Variants in ASB5 observed in about 807,000 individuals in gnomAD.
ASB5 encodes the protein ankyrin repeat and SOCS box protein 5.
In ASB5, 45 loss-of-function variants were observed where a neutral mutation model predicts 42.1. The observed-to-expected ratio is 1.07, with a 90% CI of 0.84 to 1.37. The LOEUF (loss-of-function observed/expected upper bound fraction) is 1.37, where lower values mean the gene tolerates loss of function less well. ASB5 is among the 40% of genes most tolerant of loss of function. The pLI is 0.00. For missense variants in ASB5, 402 were observed against 399.8 expected (o/e 1.01, Z -0.05); for synonymous variants, 147 against 150.6 (o/e 0.98, Z 0.18).
At chr4:176,276,550 T>G (rs1230078885) in intron 1 of ASB5, among the ~76,000 whole-genome samples, 2 of 152,202 alleles carry the variant, frequency 1.3e-5, no homozygotes, top group Non-Finnish European at 2.9e-5. Flanking sequence ...ACATCACAAA[T>G]ATTCTGAGTA....
intron 1 of ASB5, among the ~76,000 whole-genome samples, chr4:176,259,604 CA>C (rs1341015321): frequency 6.6e-6 from 1 of 152,210 alleles, no homozygotes; most frequent in Non-Finnish European, 1.5e-5. Context: ...CTCACTTTGA[CA>C]GCCTTACCTG....
intron 5 of ASB5, among the ~76,000 whole-genome samples, chr4:176,218,606 T>C (rs191070286): frequency 0.061 from 5,050 of 82,702 alleles, 5 homozygotes; most frequent in Middle Eastern, 0.081. Context: ...TATAAATATA[T>C]ATGTATGATA....
chr4:176,229,938 G>A (rs550052282), intron 1 of ASB5, among the ~76,000 whole-genome samples: 1 of 152,280 alleles, frequency 6.6e-6, no homozygotes, highest in East Asian at 1.9e-4. Context: ...AGAGCAGAAG[G>A]AGGAGAAGAA....
chr4:176,225,462 G>A, intron 1 of ASB5, 121 bp from the exon 2 acceptor site: 1 of 828,004 alleles, frequency 1.2e-6, no homozygotes, highest in South Asian at 1.7e-5. Context: ...TCAACAGGGT[G>A]AGCCAGATAC....
chr4:176,272,587 C>A (rs1428460866), upstream of ASB5, among the ~76,000 whole-genome samples: 7 of 152,122 alleles, frequency 4.6e-5, no homozygotes, highest in Admixed American at 2.0e-4. Flanking sequence ...GTACAGCCGA[C>A]CCCTAGGACT....
At chr4:176,265,049 T>C (rs965467939) in intron 1 of ASB5, among the ~76,000 whole-genome samples, 4 of 152,168 alleles carry the variant, frequency 2.6e-5, no homozygotes, top group Non-Finnish European at 5.9e-5. Flanking sequence ...ATAAATCTAC[T>C]TTAAATTATG....
intron 1 of ASB5, among the ~76,000 whole-genome samples, chr4:176,238,620 T>G (rs78143237): frequency 0.021 from 3,195 of 152,314 alleles, 46 homozygotes; most frequent in Middle Eastern, 0.048. Context: ...AAATCTGTCT[T>G]GCTGAAATAT....
chr4:176,226,981 G>A (rs555173732), intron 1 of ASB5, among the ~76,000 whole-genome samples: 11 of 152,314 alleles, frequency 7.2e-5, no homozygotes, highest in Admixed American at 2.6e-4. Flanking sequence ...GCTATAAAAC[G>A]GGTATCACCA....
intron 2 of ASB5, among the ~76,000 whole-genome samples, chr4:176,274,357 T>C (rs967589801): frequency 6.6e-6 from 1 of 152,040 alleles, no homozygotes; most frequent in African/African-American, 2.4e-5. Flanking sequence ...CTCTCACTTG[T>C]ACGGAAAAAA....
chr4:176,240,916 G>T lies in ASB5; in HGVS notation c.197-15575C>A, dbSNP rs555555708. 5.6e-4 allele frequency among the ~76,000 whole-genome samples: 85 copies of T among 152,182 alleles called. 2 individuals are homozygous for T. Among genetic ancestry groups the T allele is most frequent in the African/African-American group, 1.9e-3 (80 of 41,508 alleles). Reference sequence around the variant, plus strand: ...ATAAATATATTCCTACTTGGATCTGGGTTGGCAGTTTTCCCCATTTTTTAC... The same window carrying T: ...ATAAATATATTCCTACTTGGATCTGTGTTGGCAGTTTTCCCCATTTTTTAC... On this transcript the variant is annotated intron_variant, in intron 1 of 6. Transcript: ENST00000296525.
At chr4:176,250,952 C>CAG (rs1754020413) in intron 1 of ASB5, among the ~76,000 whole-genome samples, 1 of 152,306 alleles carries the variant, frequency 6.6e-6, no homozygotes, top group East Asian at 1.9e-4. Flanking sequence ...TGTCCACACA[C>CAG]CGTTTTATCT....
At chr4:176,225,168 G>T (rs1753340692) in intron 2 of ASB5, 94 bp downstream of exon 2, 11 of 955,474 alleles carry the variant, frequency 1.2e-5, no homozygotes, top group Non-Finnish European at 1.7e-5. Flanking sequence ...GAAGTAAAAT[G>T]TAAGTGGTTT....
At chr4:176,268,029 G>C (rs116366140) in intron 1 of ASB5, among the ~76,000 whole-genome samples, 7 of 152,292 alleles carry the variant, frequency 4.6e-5, no homozygotes, top group African/African-American at 1.7e-4. Flanking sequence ...GACAATTTAA[G>C]TTGTTTTGGA....
chr4:176,215,195 A>C lies in ASB5; in HGVS notation c.*405T>G, dbSNP rs1752934238. On this transcript the variant is annotated 3_prime_UTR_variant, in exon 7 of 7. Coordinates refer to ENST00000296525, the MANE Select transcript of ASB5 (RefSeq NM_080874.4). The stretch of plus-strand genomic sequence containing the variant: ...ATTCATATTTTATGTCAATATCAGT[A>C]ACAAGTTAGCCAATTACAATAGCCA... 1 of 153,336 alleles carries C rather than the reference A, an allele frequency of 6.5e-6. No individual in the cohort carries two copies. Among genetic ancestry groups the C allele is most frequent in the Non-Finnish European group, 1.5e-5 (1 of 68,952 alleles). 9.5% of individuals were successfully genotyped at this position (153,336 alleles called of 1,614,324 possible). A position where few individuals can be genotyped will look rare whatever the true frequency, so the allele number is the denominator to read the frequency against.
chr4:176,260,970 G>A (rs776313219), intron 1 of ASB5, among the ~76,000 whole-genome samples: 6 of 152,028 alleles, frequency 3.9e-5, no homozygotes, highest in Non-Finnish European at 8.8e-5. Flanking sequence ...CCACCACGTC[G>A]GCAAGAAATG....
At chr4:176,238,517 G>A (rs1753742768) in intron 1 of ASB5, among the ~76,000 whole-genome samples, 1 of 152,182 alleles carries the variant, frequency 6.6e-6, no homozygotes, top group South Asian at 2.1e-4. Flanking sequence ...AAGGCACAGA[G>A]TCTATGATGG....
chr4:176,230,543 TA>T (rs1229169630), intron 1 of ASB5, among the ~76,000 whole-genome samples: 1 of 152,220 alleles, frequency 6.6e-6, no homozygotes, highest in Non-Finnish European at 1.5e-5. Flanking sequence ...TATTTTCTTG[TA>T]ATCCCTTAGA....
chr4:176,240,914 T>C (rs1168079165), intron 1 of ASB5, among the ~76,000 whole-genome samples: 1 of 152,204 alleles, frequency 6.6e-6, no homozygotes, highest in African/African-American at 2.4e-5. Context: ...TACTTGGATC[T>C]GGGTTGGCAG....
chr4:176,237,208 C>T (rs751162555), intron 1 of ASB5: 19 of 885,604 alleles, frequency 2.1e-5, no homozygotes, highest in Non-Finnish European at 2.3e-5. Context: ...GGAAAGCACC[C>T]GCAGTTTAAA....
Sources: gnomAD v4.1 joint callset for allele counts (sites outside exome capture counted in the v4.1 genomes callset) on GRCh38, gnomAD v4.1.1 for gene constraint, MANE v1.5 for transcripts, NCBI Gene and HGNC (gene_info 2026-07-23, HGNC 2026-07-21) for gene names.